PDGFD: variants seen among roughly 807,000 people sequenced by gnomAD.
PDGFD encodes platelet derived growth factor D.
In PDGFD, 30 loss-of-function variants were observed where a neutral mutation model predicts 44.7. The observed-to-expected ratio is 0.67, with a 90% confidence interval of 0.50 to 0.91. The LOEUF (loss-of-function observed/expected upper bound fraction) is 0.91, where lower values mean the gene tolerates loss of function less well. Ranked by LOEUF, PDGFD falls within the 40% of genes least tolerant of loss-of-function variation. PDGFD has a pLI of 0.00. For synonymous variants in PDGFD, 173 were observed against 168.4 expected (o/e 1.03, Z -0.21); for missense variants, 445 against 457.8 (o/e 0.97, Z 0.25).
intron 1 of PDGFD, among the ~76,000 whole-genome samples, chr11:104,126,089 T>C (rs1312470292): frequency 6.6e-6 from 1 of 152,162 alleles, no homozygotes; most frequent in African/African-American, 2.4e-5. Context: ...TCCTTTCATG[T>C]GGAGAGAACT....
At chr11:104,126,111 A>C (rs1423840339) in intron 1 of PDGFD, among the ~76,000 whole-genome samples, 3 of 152,152 alleles carry the variant, frequency 2.0e-5, no homozygotes, top group Non-Finnish European at 4.4e-5. Flanking sequence ...CACTAGCCTC[A>C]TATCCTTAGC....
intron 5 of PDGFD, among the ~76,000 whole-genome samples, chr11:103,937,649 C>A (rs986945408): frequency 6.6e-6 from 1 of 151,312 alleles, no homozygotes; most frequent in South Asian, 2.1e-4. Flanking sequence ...GTGTGCTGCA[C>A]CCATTAACTC....
chr11:103,914,347 C>G (rs1447369075), intron 6 of PDGFD, among the ~76,000 whole-genome samples: 2 of 152,072 alleles, frequency 1.3e-5, no homozygotes, highest in Non-Finnish European at 2.9e-5. Flanking sequence ...GTCATGATCC[C>G]TTTGGCCTTT....
chr11:103,961,954 CAT>C (rs1373902107), intron 3 of PDGFD, among the ~76,000 whole-genome samples: 5 of 152,270 alleles, frequency 3.3e-5, no homozygotes, highest in East Asian at 3.9e-4. Context: ...CCTCTGCTCA[CAT>C]GTCTCCTTTT....
In PDGFD at chr11:104,000,858, T is replaced by C. The variant is rs930988907; in HGVS notation, c.125-603A>G. On this transcript the variant is annotated intron_variant, in intron 1 of 6. Coordinates refer to ENST00000393158, the MANE Select transcript of PDGFD (RefSeq NM_025208.5). Reference sequence around the variant, plus strand: ...TCCAATTCTTACTGTATTTTCTCTATGCTGTTAGCCAGATAAAAAGAATTT... The same window carrying C: ...TCCAATTCTTACTGTATTTTCTCTACGCTGTTAGCCAGATAAAAAGAATTT... 2.8e-3 allele frequency among the ~76,000 whole-genome samples: 427 copies of C among 152,344 alleles called. 7 individuals carry two copies. The highest frequency in any genetic ancestry group is 5.6e-4 in the Non-Finnish European group (38 of 68,032).
intron 1 of PDGFD, among the ~76,000 whole-genome samples, chr11:104,051,505 C>T (rs944983674): frequency 6.6e-6 from 1 of 152,022 alleles, no homozygotes; most frequent in African/African-American, 2.4e-5. Flanking sequence ...CAACTGCAAG[C>T]TTCCAACATC....
At position 104,036,929 on chromosome 11, in the gene PDGFD, C is replaced by G; in HGVS notation, c.125-36674G>C. On this transcript the variant is annotated intron_variant, in intron 1 of 6. Transcript: ENST00000393158. ...CGAAACTTCAAGGTCCTCTGCGAAG[C>G]GGAGTCCAGAGTCCCCGTCGAAGAG... 1.2e-6 allele frequency: 2 copies of G among 1,614,206 alleles called. No individual in the cohort carries two copies. Among genetic ancestry groups the G allele is most frequent in the Non-Finnish European group, 1.7e-6 (2 of 1,180,040 alleles).
intron 1 of PDGFD, among the ~76,000 whole-genome samples, chr11:104,061,738 G>A (rs1860720531): frequency 6.6e-6 from 1 of 152,174 alleles, no homozygotes; most frequent in Non-Finnish European, 1.5e-5. Flanking sequence ...CTCCTGAGTG[G>A]CTGGGATTAT....
intron 1 of PDGFD, among the ~76,000 whole-genome samples, chr11:104,001,846 A>G (rs1859624594): frequency 6.6e-6 from 1 of 152,224 alleles, no homozygotes; most frequent in Non-Finnish European, 1.5e-5. Context: ...GGTGGCTGTT[A>G]GAGCTTCCAA....
At chr11:103,968,662 C>T (rs938895371) in intron 3 of PDGFD, among the ~76,000 whole-genome samples, 2 of 152,152 alleles carry the variant, frequency 1.3e-5, no homozygotes, top group African/African-American at 4.8e-5. Context: ...ATGACAGCCT[C>T]CTAAATAAAC....
chr11:104,162,638 A>C (rs1462496318), intron 1 of PDGFD, among the ~76,000 whole-genome samples: 1 of 152,158 alleles, frequency 6.6e-6, no homozygotes, highest in Non-Finnish European at 1.5e-5. Context: ...TAGTCTACTC[A>C]TCATCAGATA....
chr11:103,921,222 T>C (rs1262790119), intron 6 of PDGFD, among the ~76,000 whole-genome samples: 1 of 152,180 alleles, frequency 6.6e-6, no homozygotes, highest in Admixed American at 6.5e-5. Context: ...GTTCTAGCTA[T>C]GAGGTTTCCA....
At position 103,908,534 on chromosome 11, in the gene PDGFD, A is replaced by AT. The variant is rs1857974942; in HGVS notation, c.*1159dup. On this transcript the variant is annotated 3_prime_UTR_variant, in exon 7 of 7. Coordinates refer to ENST00000393158, the MANE Select transcript of PDGFD (RefSeq NM_025208.5). Reference sequence around the variant, plus strand: ...TAGAAATTTACATTAATAAAATGTGATTTTTTTGATACACAAAAGCTTTTA... The same window carrying AT: ...TAGAAATTTACATTAATAAAATGTGATTTTTTTTGATACACAAAAGCTTTTA... 1 of 152,212 alleles carries AT rather than the reference A, an allele frequency of 6.6e-6. No individual in the cohort carries two copies. The highest frequency in any genetic ancestry group is 1.5e-5 in the Non-Finnish European group (1 of 68,028). The allele number at this position is 152,212 out of a possible 1,614,324, so 9.4% of individuals were successfully genotyped here.
chr11:104,065,475 A>T (rs1860775975), intron 1 of PDGFD, among the ~76,000 whole-genome samples: 1 of 152,146 alleles, frequency 6.6e-6, no homozygotes. Flanking sequence ...ATTTTAAACT[A>T]CTTATAAACA....
intron 1 of PDGFD, among the ~76,000 whole-genome samples, chr11:104,028,820 T>C (rs1280988766): frequency 6.6e-6 from 1 of 151,988 alleles, no homozygotes; most frequent in African/African-American, 2.4e-5. Context: ...AAACAGTTTT[T>C]TTAGAGTTGC....
At chr11:104,141,644 T>G (rs1386627418) in intron 1 of PDGFD, among the ~76,000 whole-genome samples, 2 of 152,120 alleles carry the variant, frequency 1.3e-5, no homozygotes, top group Non-Finnish European at 2.9e-5. Flanking sequence ...GAAGAGCTTA[T>G]GTATTATCCA....
At chr11:103,915,501 A>C (rs561938214) in intron 6 of PDGFD, among the ~76,000 whole-genome samples, 3 of 151,948 alleles carry the variant, frequency 2.0e-5, no homozygotes, top group Admixed American at 2.0e-4. Flanking sequence ...AGAATCATGA[A>C]AATGGCCATA....
intron 1 of PDGFD, among the ~76,000 whole-genome samples, chr11:104,054,635 G>C (rs1860594250): frequency 6.6e-6 from 1 of 152,170 alleles, no homozygotes; most frequent in East Asian, 1.9e-4. Flanking sequence ...AGATGGTGGG[G>C]AATAGATAGG....
intron 1 of PDGFD, among the ~76,000 whole-genome samples, chr11:104,064,301 A>C (rs1198422214): frequency 6.6e-6 from 1 of 152,202 alleles, no homozygotes; most frequent in East Asian, 1.9e-4. Flanking sequence ...CTGGGCTTAC[A>C]AGGAAATCCA....
Sources: gnomAD v4.1 joint callset for allele counts (sites outside exome capture counted in the v4.1 genomes callset) on GRCh38, gnomAD v4.1.1 for gene constraint, MANE v1.5 for transcripts, NCBI Gene and HGNC (gene_info 2026-07-23, HGNC 2026-07-21) for gene names.